The following WDR74 variants were observed in gnomAD, a reference collection of about 807,000 sequenced individuals.
WDR74 encodes the protein WD repeat-containing protein 74.
WDR74 carries 31 observed loss-of-function variants against 45.6 expected under a neutral mutation model. That is an observed-to-expected ratio of 0.68 (90% CI 0.51 to 0.92). WDR74 has a LOEUF of 0.92. Among genes scored for constraint, WDR74 ranks in the 40% least tolerant of loss-of-function variants. The pLI is 0.00. For missense variants in WDR74, 455 were observed against 497.2 expected (o/e 0.92, Z 0.81); for synonymous variants, 191 against 192.4 (o/e 0.99, Z 0.06).
At position 62,834,417 on chromosome 11, in the gene WDR74, A is replaced by G. The variant is rs778241567; in HGVS notation, c.719+10T>C. ...CCCACCCTCCCACCCCTTCCCCTCT[A>G]AACACTCACTTGCCTCCCGGAGTGA... is the stretch of plus-strand genomic sequence containing the variant. On this transcript the variant is annotated intron_variant, in intron 7 of 10. Coordinates refer to ENST00000278856, the MANE Select transcript of WDR74 (RefSeq NM_001369450.1). 13 of 1,218,140 alleles carry G rather than the reference A, an allele frequency of 1.1e-5. No individual in the cohort carries two copies. Among genetic ancestry groups the G allele is most frequent in the Non-Finnish European group, 1.1e-6 (1 of 890,566 alleles). 75.5% of individuals were successfully genotyped at this position (1,218,140 alleles called of 1,614,324 possible).
chr11:62,840,129 G>C (rs2085025843), upstream of WDR74: 1 of 152,942 alleles, frequency 6.5e-6, no homozygotes, highest in Non-Finnish European at 1.5e-5. Context: ...AGCCTCCCAA[G>C]TAGCTGGGAT....
upstream of WDR74, chr11:62,841,558 TTAGCTTG>T (rs750841937): frequency 6.6e-6 from 1 of 151,344 alleles, no homozygotes. Context: ...ACATAACTAT[TTAGCTTG>T]TACCCTAACT....
At chr11:62,833,466 T>A (rs772576518) in intron 10 of WDR74, 152 bp downstream of exon 10, 29 of 974,150 alleles carry the variant, frequency 3.0e-5, no homozygotes, top group Non-Finnish European at 4.0e-5. Context: ...CTCTCAGGAT[T>A]TTAACTGTTA....
chr11:62,841,785 C>T (rs1036888040), upstream of WDR74: 10 of 152,318 alleles, frequency 6.6e-5, no homozygotes, highest in South Asian at 2.1e-4. Context: ...TACACTTGAT[C>T]TTAGCCAAAA....
In WDR74 at chr11:62,835,541, G is replaced by T. The variant is rs780743239; in HGVS notation, c.517-9C>A. ...AGCCAGTCATTCCGCACCTGGTGGG[G>T]TGGGCAGATGGAGGACAGGGCTATG... On this transcript the variant is annotated splice_polypyrimidine_tract_variant and intron_variant, in intron 5 of 10. Transcript: ENST00000278856. The T allele has an allele frequency of 6.2e-7, 1 of 1,613,890 alleles. No homozygotes were observed. The highest frequency in any genetic ancestry group is 1.3e-5 in the African/African-American group (1 of 75,010).
rs778759384 is a variant in WDR74 at position 62,835,801 on chromosome 11, C to A, written c.410G>T (p.Arg137Leu). 3 of 1,612,926 alleles carry A rather than the reference C, an allele frequency of 1.9e-6. No individual in the cohort carries two copies. The highest frequency in any genetic ancestry group is 8.5e-7 in the Non-Finnish European group (1 of 1,179,514). Residue 137 changes from arginine to leucine, a missense_variant, in exon 5 of 11, where the codon CGC (arginine) becomes CTC (leucine). Coordinates refer to ENST00000278856, the MANE Select transcript of WDR74 (RefSeq NM_001369450.1). The part of the protein sequence containing the change: ...LRVGPGVCRM[R>L]QDPAHPHVVA... ...CACATGGGGGTGTGCTGGGTCTTGG[C>A]GCATCCTACACACCCCAGGGCCCAC...
upstream of WDR74, chr11:62,839,778 G>A: frequency 1.5e-6 from 1 of 654,926 alleles, no homozygotes; most frequent in Non-Finnish European, 2.5e-6. Context: ...TTTGCACTTG[G>A]GGGTGAAAAG....
At chr11:62,841,591 TTAAACAA>T (rs2085057734), upstream of WDR74, 1 of 152,142 alleles carries the variant, frequency 6.6e-6, no homozygotes, top group Non-Finnish European at 1.5e-5. Context: ...AAATCTTCCA[TTAAACAA>T]CGGTTGTTCT....
At chr11:62,838,199 C>T (rs1055317595) in intron 3 of WDR74, among the ~76,000 whole-genome samples, 1 of 152,136 alleles carries the variant, frequency 6.6e-6, no homozygotes, top group Non-Finnish European at 1.5e-5. Context: ...GTTTCACAGA[C>T]TGGAGTGCAC....
In WDR74 at chr11:62,833,730, G is replaced by A. The variant is rs2084913457; in HGVS notation, c.922-56C>T. The A allele has an allele frequency of 5.0e-6, 8 of 1,593,936 alleles. 1 individual carries two copies. The highest frequency in any genetic ancestry group is 3.4e-5 in the South Asian group (3 of 88,590). On this transcript the variant is annotated intron_variant, in intron 9 of 10. Coordinates refer to ENST00000278856, the MANE Select transcript of WDR74 (RefSeq NM_001369450.1). ...GGCATGCTGAGACAGAAACATGAAC[G>A]GAGGGCACAGGAGGCGGGGCCTCCA... is the stretch of plus-strand genomic sequence containing the variant.
Position 62,832,972 on chromosome 11 carries a change from G to A in WDR74, c.1138C>T (p.Pro380Ser). Reference protein sequence around the residue: ...LQTRRRKKKRPGSTSP With the variant: ...LQTRRRKKKRSGSTSP Reference sequence around the variant, plus strand: ...GGGCGTCAGGGGCTGGTGGACCCAGGCCGCTTCTTCTTTCTCCGTCTCGTT... The same window carrying A: ...GGGCGTCAGGGGCTGGTGGACCCAGACCGCTTCTTCTTTCTCCGTCTCGTT... Residue 380 changes from proline (P) to serine (S), a missense_variant, in exon 11 of 11, where the codon CCT (proline) becomes TCT (serine). By Grantham distance (74) the Pro-to-Ser change is moderately conservative (BLOSUM62 -1). Coordinates refer to ENST00000278856, the MANE Select transcript of WDR74 (RefSeq NM_001369450.1). 1 of 1,606,840 alleles carries A rather than the reference G, an allele frequency of 6.2e-7. No individual in the cohort carries two copies. Among genetic ancestry groups the A allele is most frequent in the Non-Finnish European group, 8.5e-7 (1 of 1,176,986 alleles).
chr11:62,833,324 GAAAA>G (rs2084904620), intron 10 of WDR74, among the ~76,000 whole-genome samples, 193 bp from the exon 11 acceptor site: 1 of 86,590 alleles, frequency 1.2e-5, no homozygotes, highest in Non-Finnish European at 2.4e-5. Flanking sequence ...AAAAAAAAAA[GAAAA>G]GTAGTCAGGG....
intron 3 of WDR74, among the ~76,000 whole-genome samples, chr11:62,837,517 A>AC (rs1555010464): frequency 4.1e-5 from 6 of 147,740 alleles, no homozygotes; most frequent in Admixed American, 3.4e-4. Context: ...ACAAAAAACA[A>AC]AAAAAAAAAA....
rs114278436 is a variant in WDR74, at chr11:62,833,540, C to G, written c.978+78G>C. 2,675 of 1,502,360 alleles carry G rather than the reference C, an allele frequency of 1.8e-3. 31 individuals carry two copies. The African/African-American group carries it at 0.031, about 17-fold the overall frequency. 93.1% of individuals were successfully genotyped at this position (1,502,360 alleles called of 1,614,324 possible). Reference sequence around the variant, plus strand: ...AGATAGTCCCAAGTCTGCATTCCAGCTGCCTCCTTTTCCTCTCCATAGGGA... The same window carrying G: ...AGATAGTCCCAAGTCTGCATTCCAGGTGCCTCCTTTTCCTCTCCATAGGGA... On this transcript the variant is annotated intron_variant, in intron 10 of 10. Coordinates refer to ENST00000278856, the MANE Select transcript of WDR74 (RefSeq NM_001369450.1).
At position 62,835,433 on chromosome 11, in the gene WDR74, G is replaced by T. The variant is rs1382605230; in HGVS notation, c.616C>A (p.Gln206Lys). Residue 206 changes from glutamine to lysine, a missense_variant and splice_region_variant, in exon 6 of 11, where the codon CAG becomes AAG. Coordinates refer to ENST00000278856, the MANE Select transcript of WDR74 (RefSeq NM_001369450.1). Reference sequence around the variant, plus strand: ...GCAGGTGTGAGGTGACACCTTACCTGGTGGTACCCTGTGCAGGTGACAAGC... The same window carrying T: ...GCAGGTGTGAGGTGACACCTTACCTTGTGGTACCCTGTGCAGGTGACAAGC... Reference protein sequence around the residue: ...QKLVTCTGYHQVRVYDPASPQ... With the variant: ...QKLVTCTGYHKVRVYDPASPQ... 6.2e-7 allele frequency: 1 copy of T among 1,613,848 alleles called. No homozygotes were observed. Among genetic ancestry groups the T allele is most frequent in the Non-Finnish European group, 8.5e-7 (1 of 1,179,778 alleles).
At position 62,835,734 on chromosome 11, in the gene WDR74, G is replaced by A; in HGVS notation, c.477C>T (p.Asp159=). The change falls in exon 5 of 11, where the codon GAC becomes GAT. Residue 159 remains aspartate (D), a synonymous_variant. Coordinates refer to ENST00000278856, the MANE Select transcript of WDR74 (RefSeq NM_001369450.1). ...ACACAGGTTCCTCAGAGCCCTGCAGGTCCCATATCTTCAAAGCATTCTCTT... is the reference window on the plus strand; with the variant it reads ...ACACAGGTTCCTCAGAGCCCTGCAGATCCCATATCTTCAAAGCATTCTCTT... ...GGKENALKIW[D]LQGSEEPVFR... is the part of the protein sequence containing the mutation. 3.1e-6 allele frequency: 5 copies of A among 1,613,882 alleles called. No homozygotes were observed. The highest frequency in any genetic ancestry group is 2.2e-5 in the South Asian group (2 of 91,082).
intron 3 of WDR74, among the ~76,000 whole-genome samples, chr11:62,837,215 G>T (rs768197803): frequency 6.6e-5 from 10 of 151,556 alleles, no homozygotes; most frequent in Non-Finnish European, 1.2e-4. Flanking sequence ...TTCCTTGGCC[G>T]GGTGCAGTGG....
At chr11:62,836,226 T>C in intron 3 of WDR74, 190 bp from the exon 4 acceptor site, 2 of 590,604 alleles carry the variant, frequency 3.4e-6, no homozygotes, top group South Asian at 2.0e-5. Context: ...AGCCTCTAGG[T>C]CACTGGGCTC....
In WDR74 at chr11:62,835,739, A is replaced by T. The variant is rs754166437; in HGVS notation, c.472T>A (p.Trp158Arg). 3 of 1,613,912 alleles carry T rather than the reference A, an allele frequency of 1.9e-6. No individual in the cohort carries two copies. The highest frequency in any genetic ancestry group is 1.7e-6 in the Non-Finnish European group (2 of 1,179,850). Residue 158 changes from tryptophan (W) to arginine (R), a missense_variant, in exon 5 of 11, where the codon TGG becomes AGG. By Grantham distance (101) the Trp-to-Arg change is moderately radical. Transcript: ENST00000278856. ...TGGKENALKI[W>R]DLQGSEEPVF... ...GGTTCCTCAGAGCCCTGCAGGTCCC[A>T]TATCTTCAAAGCATTCTCTTTCCCA...
Sources: allele counts gnomAD v4.1 joint callset (sites outside exome capture counted in the v4.1 genomes callset), GRCh38; gene constraint gnomAD v4.1.1; transcripts MANE v1.5; gene names NCBI Gene and HGNC (gene_info 2026-07-23, HGNC 2026-07-21).